Variants in LRRC4C observed in about 807,000 individuals in gnomAD.
LRRC4C encodes leucine-rich repeat-containing protein 4C.
Under a neutral mutation model 33.6 loss-of-function variants are expected in LRRC4C, and 5 were observed. That is an observed-to-expected ratio of 0.15 (90% CI 0.08 to 0.31). The LOEUF (loss-of-function observed/expected upper bound fraction) is 0.31, where lower values mean the gene tolerates loss of function less well. Ranked by LOEUF, LRRC4C falls within the 10% of genes least tolerant of loss-of-function variation. The pLI is 1.00. For synonymous variants in LRRC4C, 329 were observed against 302.0 expected (o/e 1.09, Z -0.93); for missense variants, 560 against 796.7 (o/e 0.70, Z 3.58).
At chr11:41,207,061 A>G (rs1003188893) in intron 1 of LRRC4C, among the ~76,000 whole-genome samples, 5 of 152,124 alleles carry the variant, frequency 3.3e-5, no homozygotes, top group African/African-American at 9.7e-5. Context: ...AGCATATTTA[A>G]TATGCTTAAA....
At chr11:40,889,624 A>G (rs113088808) in intron 2 of LRRC4C, among the ~76,000 whole-genome samples, 8 of 152,152 alleles carry the variant, frequency 5.3e-5, no homozygotes, top group African/African-American at 1.9e-4. Context: ...TGATTAGAAA[A>G]CCATCCATTA....
At chr11:40,519,829 C>T (rs976127884) in intron 3 of LRRC4C, among the ~76,000 whole-genome samples, 3 of 152,142 alleles carry the variant, frequency 2.0e-5, no homozygotes, top group Non-Finnish European at 4.4e-5. Flanking sequence ...AAGGGCAAAG[C>T]GAAGCAGCAA....
chr11:40,826,342 C>T (rs1952167898), intron 2 of LRRC4C, among the ~76,000 whole-genome samples: 2 of 151,920 alleles, frequency 1.3e-5, no homozygotes, highest in South Asian at 2.1e-4. Flanking sequence ...GACATTTATA[C>T]AGCCTGAAGG....
intron 3 of LRRC4C, among the ~76,000 whole-genome samples, chr11:40,452,878 G>A (rs1342608048): frequency 1.3e-5 from 2 of 152,168 alleles, no homozygotes; most frequent in Non-Finnish European, 2.9e-5. Context: ...CATGTCCTTT[G>A]TAGGGACATG....
chr11:40,688,395 C>T (rs548559454), intron 2 of LRRC4C, among the ~76,000 whole-genome samples: 1 of 152,208 alleles, frequency 6.6e-6, no homozygotes, highest in South Asian at 2.1e-4. Flanking sequence ...CTTGTTTTTC[C>T]CATTATATCA....
chr11:40,312,076 G>A (rs995955841), intron 4 of LRRC4C, among the ~76,000 whole-genome samples: 88 of 151,976 alleles, frequency 5.8e-4, no homozygotes, highest in Non-Finnish European at 2.9e-4. Context: ...TGTGGGTTAA[G>A]GCCAAAGAAG....
intron 3 of LRRC4C, among the ~76,000 whole-genome samples, chr11:40,482,690 C>T (rs1953647470): frequency 6.6e-6 from 1 of 151,984 alleles, no homozygotes; most frequent in Non-Finnish European, 1.5e-5. Flanking sequence ...AGGCTGGTTG[C>T]AAACTCCTGG....
intron 1 of LRRC4C, among the ~76,000 whole-genome samples, chr11:41,264,650 T>C (rs979233171): frequency 1.3e-5 from 2 of 152,100 alleles, no homozygotes; most frequent in African/African-American, 4.8e-5. Context: ...TGAATGTAGA[T>C]ATAAGAAACA....
chr11:40,529,585 T>C (rs1034490853), intron 3 of LRRC4C, among the ~76,000 whole-genome samples: 2 of 152,130 alleles, frequency 1.3e-5, no homozygotes, highest in African/African-American at 4.8e-5. Context: ...GGAATTAAAA[T>C]TGTACATTTA....
intron 3 of LRRC4C, among the ~76,000 whole-genome samples, chr11:40,528,417 A>G (rs1206851731): frequency 6.6e-6 from 1 of 152,198 alleles, no homozygotes; most frequent in African/African-American, 2.4e-5. Flanking sequence ...ACTAATCATT[A>G]GCAAAATGAA....
chr11:40,659,524 G>A (rs1225763677), intron 2 of LRRC4C, among the ~76,000 whole-genome samples: 1 of 152,108 alleles, frequency 6.6e-6, no homozygotes, highest in Non-Finnish European at 1.5e-5. Flanking sequence ...GGACCAATCA[G>A]CATGCACTTC....
intron 3 of LRRC4C, among the ~76,000 whole-genome samples, chr11:40,621,326 T>C: frequency 6.6e-6 from 1 of 151,644 alleles, no homozygotes; most frequent in East Asian, 1.9e-4. Flanking sequence ...TGTCTACATC[T>C]CTAAGCTTAA....
At chr11:41,410,330 A>G (rs1954415642) in intron 1 of LRRC4C, among the ~76,000 whole-genome samples, 1 of 152,156 alleles carries the variant, frequency 6.6e-6, no homozygotes, top group African/African-American at 2.4e-5. Flanking sequence ...CTTATCAACG[A>G]AATGAGTAGA....
chr11:40,380,148 T>C (rs896600306), intron 3 of LRRC4C, among the ~76,000 whole-genome samples: 1 of 152,144 alleles, frequency 6.6e-6, no homozygotes, highest in Non-Finnish European at 1.5e-5. Flanking sequence ...TCAAAAAATA[T>C]TTCACGGAGG....
chr11:41,139,066 C>T (rs1943391178), intron 1 of LRRC4C, among the ~76,000 whole-genome samples: 2 of 151,732 alleles, frequency 1.3e-5, no homozygotes, highest in South Asian at 2.1e-4. Flanking sequence ...GGAACAGCTG[C>T]ATTTATTATT....
intron 1 of LRRC4C, among the ~76,000 whole-genome samples, chr11:41,202,049 C>G (rs1368762806): frequency 6.6e-6 from 1 of 152,154 alleles, no homozygotes; most frequent in African/African-American, 2.4e-5. Flanking sequence ...CGTAATGCCT[C>G]ATTATTTTAC....
At chr11:40,609,295 T>C (rs1166512866) in intron 3 of LRRC4C, among the ~76,000 whole-genome samples, 3 of 151,870 alleles carry the variant, frequency 2.0e-5, no homozygotes, top group Admixed American at 1.3e-4. Context: ...TAATGGAAAT[T>C]AAGCAATGAA....
At chr11:41,432,890 T>A (rs973320229) in intron 1 of LRRC4C, among the ~76,000 whole-genome samples, 1 of 152,194 alleles carries the variant, frequency 6.6e-6, no homozygotes, top group Non-Finnish European at 1.5e-5. Context: ...GCAGGAAGTT[T>A]CCCACTTTTG....
intron 5 of LRRC4C, among the ~76,000 whole-genome samples, chr11:40,166,766 C>T (rs1383222653): frequency 6.6e-6 from 1 of 151,860 alleles, no homozygotes; most frequent in Non-Finnish European, 1.5e-5. Flanking sequence ...TAGATTGTAA[C>T]CTGTATTAAA....
Sources: allele counts gnomAD v4.1 joint callset (sites outside exome capture counted in the v4.1 genomes callset), GRCh38; gene constraint gnomAD v4.1.1; transcripts MANE v1.5; gene names NCBI Gene and HGNC (gene_info 2026-07-23, HGNC 2026-07-21).